The following BMPR1B variants were observed in gnomAD, a reference collection of about 807,000 sequenced individuals.
BMPR1B encodes the protein bone morphogenetic protein receptor type 1B.
In BMPR1B, 12 loss-of-function variants were observed where a neutral mutation model predicts 59.1. The ratio of observed to expected loss-of-function variants is 0.20; its 90% CI spans 0.13 to 0.33. BMPR1B has a LOEUF of 0.33. BMPR1B is among the 10% of genes least tolerant of loss of function. The pLI is 1.00. For missense variants in BMPR1B, 550 were observed against 610.9 expected (o/e 0.90, Z 1.05); for synonymous variants, 237 against 207.3 (o/e 1.14, Z -1.23).
intron 2 of BMPR1B, among the ~76,000 whole-genome samples, chr4:94,887,905 A>G (rs1727246427): frequency 1.3e-5 from 2 of 152,100 alleles, no homozygotes; most frequent in African/African-American, 4.8e-5. Context: ...AAGAGCTTAC[A>G]TGGGCAAATT....
At chr4:94,847,092 TTGAA>T (rs1289184623) in intron 1 of BMPR1B, among the ~76,000 whole-genome samples, 3 of 152,054 alleles carry the variant, frequency 2.0e-5, no homozygotes, top group African/African-American at 7.2e-5. Flanking sequence ...GGCTCAAACA[TTGAA>T]TGGGAAAAAA....
chr4:95,062,617 G>C (rs532217737), intron 3 of BMPR1B, among the ~76,000 whole-genome samples: 6 of 152,100 alleles, frequency 3.9e-5, no homozygotes, highest in Non-Finnish European at 5.9e-5. Flanking sequence ...TAAGAAACGT[G>C]ATCTGCAGCT....
intron 1 of BMPR1B, among the ~76,000 whole-genome samples, chr4:94,808,946 T>C (rs1723714153): frequency 1.3e-5 from 2 of 152,146 alleles, no homozygotes; most frequent in South Asian, 2.1e-4. Flanking sequence ...TTCCAGCTAC[T>C]TGGGAGGCTG....
intron 2 of BMPR1B, among the ~76,000 whole-genome samples, chr4:94,927,926 G>A (rs1030699369): frequency 5.3e-5 from 8 of 152,172 alleles, no homozygotes; most frequent in African/African-American, 1.9e-4. Flanking sequence ...CATTGTATTT[G>A]GCAGCTAATT....
intron 1 of BMPR1B, among the ~76,000 whole-genome samples, chr4:94,858,095 A>C (rs6840962): frequency 6.6e-6 from 1 of 151,120 alleles, no homozygotes; most frequent in Admixed American, 6.6e-5. Context: ...ACAGGTGCCC[A>C]CCACCACGCC....
intron 2 of BMPR1B, among the ~76,000 whole-genome samples, chr4:94,983,963 G>T (rs1008330492): frequency 5.9e-5 from 9 of 152,300 alleles, no homozygotes; most frequent in African/African-American, 1.9e-4. Context: ...AAATAAATAA[G>T]AAATGTTCCA....
chr4:94,806,261 G>A (rs1291145192), intron 1 of BMPR1B, among the ~76,000 whole-genome samples: 3 of 152,140 alleles, frequency 2.0e-5, no homozygotes, highest in African/African-American at 4.8e-5. Context: ...TTGACAGTAA[G>A]TTTTCTGCAT....
At chr4:95,075,120 T>G (rs551473829) in intron 3 of BMPR1B, among the ~76,000 whole-genome samples, 1 of 152,300 alleles carries the variant, frequency 6.6e-6, no homozygotes, top group East Asian at 1.9e-4. Flanking sequence ...TAAATGTGTC[T>G]TTCTAAAGTG....
chr4:94,965,670 G>A (rs1730528847), intron 2 of BMPR1B, among the ~76,000 whole-genome samples: 1 of 152,122 alleles, frequency 6.6e-6, no homozygotes, highest in Admixed American at 6.5e-5. Context: ...CAAATTTGAG[G>A]CCCTGAATTT....
chr4:94,889,926 A>G (rs1578766375), intron 2 of BMPR1B, among the ~76,000 whole-genome samples: 2 of 152,076 alleles, frequency 1.3e-5, no homozygotes, highest in South Asian at 4.1e-4. Flanking sequence ...TCATAGTCAC[A>G]TGGCAGGTTG....
intron 1 of BMPR1B, among the ~76,000 whole-genome samples, chr4:94,834,621 T>G (rs1199132410): frequency 6.7e-6 from 1 of 148,164 alleles, no homozygotes; most frequent in African/African-American, 2.5e-5. Flanking sequence ...ATTAAACTCC[T>G]GTTTCTCTAG....
intron 3 of BMPR1B, among the ~76,000 whole-genome samples, chr4:95,062,686 G>T (rs1315862158): frequency 1.3e-5 from 2 of 152,156 alleles, no homozygotes; most frequent in Non-Finnish European, 2.9e-5. Flanking sequence ...TGCTAAAATT[G>T]CATGGTTAAT....
At chr4:94,816,980 G>T (rs1724031933) in intron 1 of BMPR1B, among the ~76,000 whole-genome samples, 1 of 152,082 alleles carries the variant, frequency 6.6e-6, no homozygotes, top group Admixed American at 6.6e-5. Flanking sequence ...AAGTCATGAG[G>T]GAAGAATCCT....
At chr4:94,819,980 GC>G in intron 1 of BMPR1B, among the ~76,000 whole-genome samples, 2 of 152,250 alleles carry the variant, frequency 1.3e-5, no homozygotes, top group Middle Eastern at 3.4e-3. Context: ...TTTCTCCCCT[GC>G]TTTTTCTTCT....
chr4:94,800,846 A>C (rs1723380090), intron 1 of BMPR1B, among the ~76,000 whole-genome samples: 1 of 152,202 alleles, frequency 6.6e-6, no homozygotes, highest in Admixed American at 6.5e-5. Context: ...TTGTGTGACA[A>C]AGGTTTATAT....
intron 1 of BMPR1B, among the ~76,000 whole-genome samples, chr4:94,803,082 GTTC>G (rs1034906299): frequency 6.6e-5 from 10 of 152,106 alleles, no homozygotes; most frequent in Non-Finnish European, 1.2e-4. Flanking sequence ...CTCATGGTCA[GTTC>G]TTCTTCATTT....
chr4:94,787,957 G>A (rs527247291), intron 1 of BMPR1B, among the ~76,000 whole-genome samples: 2 of 152,300 alleles, frequency 1.3e-5, no homozygotes, highest in East Asian at 3.9e-4. Context: ...TAAATATTCA[G>A]TAAAAGCAGC....
chr4:94,830,684 C>T (rs1351164219), intron 1 of BMPR1B, among the ~76,000 whole-genome samples: 1 of 152,148 alleles, frequency 6.6e-6, no homozygotes, highest in Non-Finnish European at 1.5e-5. Context: ...GAAGGAAATA[C>T]AGTCATGTGC....
intron 1 of BMPR1B, among the ~76,000 whole-genome samples, chr4:94,868,368 C>G (rs1397882223): frequency 6.6e-6 from 1 of 152,030 alleles, no homozygotes; most frequent in Non-Finnish European, 1.5e-5. Flanking sequence ...GACGGGATTT[C>G]ACCATATTGA....
Sources: allele counts gnomAD v4.1 joint callset (sites outside exome capture counted in the v4.1 genomes callset), GRCh38; gene constraint gnomAD v4.1.1; transcripts MANE v1.5; gene names NCBI Gene and HGNC (gene_info 2026-07-23, HGNC 2026-07-21).